The following ZNF397 variants were observed in gnomAD, a reference collection of about 807,000 sequenced individuals.
ZNF397 encodes zinc finger and SCAN domain-containing protein 15.
Under a neutral mutation model 50.6 loss-of-function variants are expected in ZNF397, and 38 were observed. The ratio of observed to expected loss-of-function variants is 0.75; its 90% CI spans 0.58 to 0.98. ZNF397 has a LOEUF of 0.98. Among genes scored for constraint, ZNF397 ranks in the 50% least tolerant of loss-of-function variants. The pLI, the probability that ZNF397 is intolerant of heterozygous loss-of-function variation, is 0.00. For synonymous variants in ZNF397, 228 were observed against 215.2 expected, an observed-to-expected ratio of 1.06 and a Z score of -0.52; for missense variants, 624 against 624.1, an observed-to-expected ratio of 1.00 and a Z score of 0.00.
downstream of ZNF397, chr18:35,254,733 G>GA (rs1372833018): frequency 4.0e-5 from 13 of 324,972 alleles, no homozygotes; most frequent in Non-Finnish European, 5.9e-5. Context: ...AGATAATCAG[G>GA]AAAAAAAAGT....
rs79498842 is a variant in ZNF397 at position 35,245,994 on chromosome 18, G to T, written c.1289G>T (p.Cys430Phe). 4 of 1,579,460 alleles carry T rather than the reference G, an allele frequency of 2.5e-6. No homozygotes were observed. Among genetic ancestry groups the T allele is most frequent in the Non-Finnish European group, 3.4e-6 (4 of 1,162,602 alleles). Residue 430 changes from cysteine to phenylalanine, a missense_variant, in exon 4 of 4, where the codon TGT becomes TTT. By Grantham distance (205) the Cys-to-Phe change is radical (BLOSUM62 -2). Transcript: ENST00000330501. ...TGERPYECNECGKAFRQSSEL... is the reference protein window; with the variant it reads ...TGERPYECNEFGKAFRQSSEL... The stretch of plus-strand genomic sequence containing the variant: ...GAGAGACCCTATGAATGTAATGAAT[G>T]TGGAAAAGCTTTCAGGCAGAGCTCA...
downstream of ZNF397, chr18:35,254,012 T>G (rs754457806): frequency 3.7e-6 from 6 of 1,614,110 alleles, no homozygotes; most frequent in African/African-American, 1.3e-5. Context: ...GCAAAAGGCC[T>G]TCCCACAGTC....
Position 35,245,566 on chromosome 18 carries a change from T to G in ZNF397, c.861T>G (p.Cys287Trp). 6.4e-7 allele frequency: 1 copy of G among 1,552,592 alleles called. No homozygotes were observed. The highest frequency in any genetic ancestry group is 8.7e-7 in the Non-Finnish European group (1 of 1,147,292). ...KVPPEERPYR[C>W]DVCGHSFKQH... The stretch of plus-strand genomic sequence containing the variant: ...CTCCAGAAGAGAGACCTTATAGATG[T>G]GATGTATGTGGGCACAGCTTCAAGC... Residue 287 changes from cysteine (C) to tryptophan (W), a missense_variant, in exon 4 of 4, where the codon TGT becomes TGG. Transcript: ENST00000330501.
downstream of ZNF397, chr18:35,253,339 T>A (rs551894110): frequency 1.2e-6 from 1 of 801,946 alleles, no homozygotes; most frequent in South Asian, 2.1e-5. Context: ...AGTACCGAAC[T>A]GGGAGGGAAG....
chr18:35,246,894 AC>A lies in ZNF397; in HGVS notation c.*585del. 34 of 973,160 alleles carry A rather than the reference AC, an allele frequency of 3.5e-5. No individual in the cohort carries two copies. The highest frequency in any genetic ancestry group is 4.2e-5 in the Non-Finnish European group (34 of 818,764). 60.3% of individuals were successfully genotyped at this position (973,160 alleles called of 1,614,324 possible). A position where few individuals can be genotyped will look rare whatever the true frequency, so the allele number is the denominator to read the frequency against. ...CTACTTTGTCCCAGGAACTAGGAAT[AC>A]AGTGGAAAACAAGACTGTAGTCTCT... On this transcript the variant is annotated 3_prime_UTR_variant, in exon 4 of 4. Coordinates refer to ENST00000330501, the MANE Select transcript of ZNF397 (RefSeq NM_001135178.3).
chr18:35,250,798 G>A (rs1167248688), downstream of ZNF397, among the ~76,000 whole-genome samples: 2 of 152,192 alleles, frequency 1.3e-5, no homozygotes, highest in African/African-American at 4.8e-5. Flanking sequence ...AACACAGGAC[G>A]TGTTTGTGTT....
intron 5 of ZNF397, chr18:35,257,579 A>G (rs559650076): frequency 3.5e-6 from 1 of 281,816 alleles, no homozygotes; most frequent in East Asian, 7.9e-5. Flanking sequence ...AGCACCTTGA[A>G]CTTCTCAGCC....
chr18:35,242,324 C>G (rs1192909164), intron 1 of ZNF397, 67 bp from the exon 2 acceptor site: 5 of 711,094 alleles, frequency 7.0e-6, no homozygotes, highest in Non-Finnish European at 1.1e-5. Flanking sequence ...AGTTACTCAT[C>G]TTTCTTATTA....
At chr18:35,256,760 TTTGTTGTTG>T (rs369105451) in intron 5 of ZNF397, among the ~76,000 whole-genome samples, 4 of 151,416 alleles carry the variant, frequency 2.6e-5, no homozygotes, top group African/African-American at 7.3e-5. Flanking sequence ...CTCTTCTGTT[TTTGTTGTTG>T]TTGTTGTTGT....
downstream of ZNF397, chr18:35,253,659 A>T (rs770526476): frequency 7.4e-6 from 12 of 1,614,024 alleles, no homozygotes; most frequent in Non-Finnish European, 8.5e-6. Flanking sequence ...ATAAGGATAG[A>T]ACTCCTACCA....
At chr18:35,257,299 A>G (rs2043863729) in intron 5 of ZNF397, 1 of 152,546 alleles carries the variant, frequency 6.6e-6, no homozygotes, top group Admixed American at 6.5e-5. Flanking sequence ...CTTTACCAAT[A>G]TGATGCCTCC....
rs947991474 is a variant in ZNF397, at chr18:35,249,674, A to C, written c.*3364A>C. The C allele has an allele frequency of 2.0e-5, 3 of 149,130 alleles. No individual in the cohort carries two copies. Among genetic ancestry groups the C allele is most frequent in the South Asian group, 2.1e-4 (1 of 4,728 alleles). The allele number at this position is 149,130 out of a possible 1,614,324, so 9.2% of individuals were successfully genotyped here. A position where few individuals can be genotyped will look rare whatever the true frequency, so the allele number is the denominator to read the frequency against. Reference sequence around the variant, plus strand: ...TCTCAAAAAAAAAAAAAAAAAAAAAAAAAACACTGATGTCAATTAATATTA... The same window carrying C: ...TCTCAAAAAAAAAAAAAAAAAAAAACAAAACACTGATGTCAATTAATATTA... On this transcript the variant is annotated 3_prime_UTR_variant, in exon 4 of 4. Transcript: ENST00000330501.
At position 35,243,256 on chromosome 18, in the gene ZNF397, G is replaced by A. The variant is rs746669565; in HGVS notation, c.519G>A (p.Gln173=). The A allele has an allele frequency of 5.6e-6, 9 of 1,614,088 alleles. No individual in the cohort carries two copies. The highest frequency in any genetic ancestry group is 5.9e-6 in the Non-Finnish European group (7 of 1,180,052). Residue 173 remains glutamine, a synonymous_variant, in exon 3 of 4, where the codon CAG becomes CAA. Coordinates refer to ENST00000330501, the MANE Select transcript of ZNF397 (RefSeq NM_001135178.3). Reference sequence around the variant, plus strand: ...TCCACCTCCAGCCCTTAAAGACACAGCTGAAATCCTGGAAACCATGCCTTT... The same window carrying A: ...TCCACCTCCAGCCCTTAAAGACACAACTGAAATCCTGGAAACCATGCCTTT... ...TDIHLQPLKT[Q]LKSWKPCLSP... is the part of the protein sequence containing the mutation.
Position 35,243,233 on chromosome 18 carries a change from C to A in ZNF397, c.496C>A (p.His166Asn). ...LRASQESTDI[H>N]LQPLKTQLKS... The stretch of plus-strand genomic sequence containing the variant: ...AGCATCCCAAGAGTCAACAGACATC[C>A]ACCTCCAGCCCTTAAAGACACAGCT... Residue 166 changes from histidine to asparagine, a missense_variant, in exon 3 of 4, where the codon CAC (histidine) becomes AAC (asparagine). Transcript: ENST00000330501. 1.9e-6 allele frequency: 3 copies of A among 1,614,224 alleles called. No individual in the cohort carries two copies. Among genetic ancestry groups the A allele is most frequent in the Non-Finnish European group, 2.5e-6 (3 of 1,180,056 alleles).
In ZNF397 at chr18:35,243,143, T is replaced by C. The variant is rs201314512; in HGVS notation, c.415-9T>C. 8.2e-5 allele frequency: 132 copies of C among 1,613,812 alleles called. No homozygotes were observed. In the Middle Eastern group the frequency reaches 1.8e-3, roughly 22 times the overall value. On this transcript the variant is annotated splice_polypyrimidine_tract_variant and intron_variant, in intron 2 of 3. Transcript: ENST00000330501. ...TCTCACAAAGCTAACCATATTTTAC[T>C]GATTTCAGGTCCCAGCTAGTCCACA...
chr18:35,243,550 G>C, intron 3 of ZNF397: 1 of 621,566 alleles, frequency 1.6e-6, no homozygotes. Context: ...GTCTGGTACT[G>C]TGGTAGGCCC....
chr18:35,244,201 G>T (rs1371554140), intron 3 of ZNF397: 1 of 154,390 alleles, frequency 6.5e-6, no homozygotes, highest in Non-Finnish European at 1.5e-5. Flanking sequence ...GCAACATCTG[G>T]TAATTATTAA....
downstream of ZNF397, chr18:35,254,046 T>C: frequency 6.2e-7 from 1 of 1,614,194 alleles, no homozygotes; most frequent in South Asian, 1.1e-5. Context: ...AGCTTTTCCC[T>C]AGTGTCAACG....
At chr18:35,251,041 A>G (rs532287148), downstream of ZNF397, 5 of 152,234 alleles carry the variant, frequency 3.3e-5, no homozygotes, top group Non-Finnish European at 7.3e-5. Flanking sequence ...GTATTCCTGA[A>G]TGAATAATTT....
Sources: allele counts gnomAD v4.1 joint callset (sites outside exome capture counted in the v4.1 genomes callset), GRCh38; gene constraint gnomAD v4.1.1; transcripts MANE v1.5; gene names NCBI Gene and HGNC (gene_info 2026-07-23, HGNC 2026-07-21).